Variants in RASIP1 observed in about 807,000 individuals in gnomAD.
The protein encoded by RASIP1 is Ras interacting protein 1.
Under a neutral mutation model 85.3 loss-of-function variants are expected in RASIP1, and 20 were observed. That is an observed-to-expected ratio of 0.23 (90% CI 0.17 to 0.34). The LOEUF is 0.34. RASIP1 is among the 10% of genes least tolerant of loss of function. The pLI is 1.00. For missense variants in RASIP1, 1,170 were observed against 1,390.9 expected (o/e 0.84, Z 2.53); for synonymous variants, 617 against 647.1 (o/e 0.95, Z 0.71).
intron 10 of RASIP1, among the ~76,000 whole-genome samples, chr19:48,722,811 G>A (rs1209921120): frequency 6.6e-6 from 1 of 152,106 alleles, no homozygotes; most frequent in Non-Finnish European, 1.5e-5. Flanking sequence ...TAATAGAGTT[G>A]GTATGAGGAT....
chr19:48,735,899 A>G (rs982625792), intron 3 of RASIP1, among the ~76,000 whole-genome samples: 11 of 151,502 alleles, frequency 7.3e-5, no homozygotes, highest in South Asian at 4.2e-4. Context: ...AGGTTCAAGC[A>G]ATTCTCCTGC....
intron 8 of RASIP1, 32 bp downstream of exon 8, chr19:48,726,753 T>C (rs2033349585): frequency 6.7e-7 from 1 of 1,501,198 alleles, no homozygotes; most frequent in South Asian, 1.2e-5. Flanking sequence ...AGTGATGCTA[T>C]GTCAAACAGG....
chr19:48,723,672 G>A (rs2033290999), intron 10 of RASIP1, among the ~76,000 whole-genome samples: 1 of 152,042 alleles, frequency 6.6e-6, no homozygotes. Context: ...GGCTTTGTCA[G>A]CATTAAACTA....
rs765162968 is a variant in RASIP1, at chr19:48,724,295, G to A, written c.2544+42C>T. On this transcript the variant is annotated intron_variant, in intron 10 of 11. Transcript: ENST00000222145. This position sits in a 1 kb window ranked among gnomAD's most constrained non-coding sequence, Gnocchi z 4.6. ...TAGAAGGTGGCTGAGGGGGGTTGAG[G>A]AGTCAGAGGTCAGGGGTCAGGTATA... is the stretch of plus-strand genomic sequence containing the variant. 6.3e-7 allele frequency: 1 copy of A among 1,586,140 alleles called. No homozygotes were observed. Among genetic ancestry groups the A allele is most frequent in the South Asian group, 1.1e-5 (1 of 88,554 alleles).
At chr19:48,730,510 T>C (rs1251778661) in intron 4 of RASIP1, among the ~76,000 whole-genome samples, 3 of 151,962 alleles carry the variant, frequency 2.0e-5, no homozygotes, top group Non-Finnish European at 2.9e-5. Context: ...CCCTCAAGCA[T>C]TAGATGCTTT....
At chr19:48,737,480 T>G in intron 3 of RASIP1, 1 of 985,408 alleles carries the variant, frequency 1.0e-6, no homozygotes, top group Non-Finnish European at 1.2e-6. Context: ...CCTTCGCCTC[T>G]ACAGTGATAT....
chr19:48,722,940 C>T (rs1285436239), intron 10 of RASIP1, among the ~76,000 whole-genome samples: 2 of 152,172 alleles, frequency 1.3e-5, no homozygotes, highest in Non-Finnish European at 2.9e-5. Context: ...TGCTGGAGTA[C>T]AGTGGCATGA....
rs1316979290 is a variant in RASIP1, at chr19:48,729,141, T to C, written c.1629A>G (p.Pro543=). The C allele has an allele frequency of 8.9e-6, 12 of 1,353,066 alleles. No individual in the cohort carries two copies. Among genetic ancestry groups the C allele is most frequent in the Non-Finnish European group, 9.5e-6 (10 of 1,053,890 alleles). The allele number at this position is 1,353,066 out of a possible 1,614,324, so 83.8% of individuals were successfully genotyped here. Residue 543 remains proline, a synonymous_variant, in exon 5 of 12, where the codon CCA becomes CCG. Transcript: ENST00000222145. ...CCTCGCGCGGCCGGAAGCGCAGGAC[T>C]GGCTCACGGCCGTCCAGGTAGGCGG... ...ALAAYLDGRE[P]VLRFRPREEE...
chr19:48,740,446 A>G lies in RASIP1; in HGVS notation c.-5+75T>C. On this transcript the variant is annotated intron_variant, in intron 1 of 11. Coordinates refer to ENST00000222145, the MANE Select transcript of RASIP1 (RefSeq NM_017805.3). This position sits in a 1 kb window ranked among gnomAD's most constrained non-coding sequence, Gnocchi z 5.5. ...GTACCCTGGATTCCTGGGTCCTGGGATGGAAGATGGCTGGGGGACTGAGTC... is the reference window on the plus strand; with the variant it reads ...GTACCCTGGATTCCTGGGTCCTGGGGTGGAAGATGGCTGGGGGACTGAGTC... 1 of 1,394,932 alleles carries G rather than the reference A, an allele frequency of 7.2e-7. No homozygotes were observed. Among genetic ancestry groups the G allele is most frequent in the Non-Finnish European group, 9.3e-7 (1 of 1,075,872 alleles). The allele number at this position is 1,394,932 out of a possible 1,614,324, so 86.4% of individuals were successfully genotyped here.
chr19:48,737,805 GC>G lies in RASIP1; in HGVS notation c.823+1154del, dbSNP rs199705953. Reference sequence around the variant, plus strand: ...CAGACCACGCTTTTCCACAAGCCCCGCCCCACCACAGGCCCCGCCCCACAAC... The same window carrying G: ...CAGACCACGCTTTTCCACAAGCCCCGCCCACCACAGGCCCCGCCCCACAAC... On this transcript the variant is annotated intron_variant, in intron 3 of 11. Coordinates refer to ENST00000222145, the MANE Select transcript of RASIP1 (RefSeq NM_017805.3). 2,540 of 981,564 alleles carry G rather than the reference GC, an allele frequency of 2.6e-3. 66 individuals carry two copies. The African/African-American group carries it at 0.043, about 17-fold the overall frequency. 60.8% of individuals were successfully genotyped at this position (981,564 alleles called of 1,614,324 possible).
At position 48,724,216 on chromosome 19, in the gene RASIP1, C is replaced by T. The variant is rs1418298980; in HGVS notation, c.2544+121G>A. 1.9e-6 allele frequency: 2 copies of T among 1,045,306 alleles called. No homozygotes were observed. Among genetic ancestry groups the T allele is most frequent in the Non-Finnish European group, 2.8e-6 (2 of 725,468 alleles). 64.8% of individuals were successfully genotyped at this position (1,045,306 alleles called of 1,614,324 possible). On this transcript the variant is annotated intron_variant, in intron 10 of 11. Coordinates refer to ENST00000222145, the MANE Select transcript of RASIP1 (RefSeq NM_017805.3). This position sits in a 1 kb window ranked among gnomAD's most constrained non-coding sequence, Gnocchi z 4.6. ...CAATGTGTTACCCACAGTGTCTGAG[C>T]TGGGGCTGGGGATGGCATGGGGTTC... is the stretch of plus-strand genomic sequence containing the variant.
Position 48,739,256 on chromosome 19 carries a change from A to G in RASIP1, c.527T>C (p.Val176Ala), listed in dbSNP as rs1262835390. ...GCCGTAGCGCTCTAGCGCCTCGGCC[A>G]CGAGCTCGCGCGCCGTGGAGCGCGC... is the stretch of plus-strand genomic sequence containing the variant. ...ATARSTARELVAEALERYGLA... is the reference protein window; with the variant it reads ...ATARSTARELAAEALERYGLA... Residue 176 changes from valine to alanine, a missense_variant, in exon 3 of 12, where the codon GTG becomes GCG. Val to Ala is a moderately conservative substitution (Grantham distance 64, BLOSUM62 0). Around this residue, in one of 4 missense-constraint regions of RASIP1, gnomAD observed 299 missense variants for 394.4 expected, o/e 0.76. Coordinates refer to ENST00000222145, the MANE Select transcript of RASIP1 (RefSeq NM_017805.3). This position sits in a 1 kb window ranked among gnomAD's most constrained non-coding sequence, Gnocchi z 9.2. The G allele has an allele frequency of 1.4e-6, 2 of 1,472,096 alleles. No individual in the cohort carries two copies. Among genetic ancestry groups the G allele is most frequent in the Non-Finnish European group, 1.8e-6 (2 of 1,119,494 alleles). The allele number at this position is 1,472,096 out of a possible 1,614,324, so 91.2% of individuals were successfully genotyped here.
chr19:48,739,579 C>A lies in RASIP1; in HGVS notation c.204G>T (p.Glu68Asp). The A allele has an allele frequency of 6.7e-7, 1 of 1,494,320 alleles. No homozygotes were observed. The highest frequency in any genetic ancestry group is 8.9e-7 in the Non-Finnish European group (1 of 1,125,338). The allele number at this position is 1,494,320 out of a possible 1,614,324, so 92.6% of individuals were successfully genotyped here. The change falls in exon 3 of 12, where the codon GAG (glutamate) becomes GAT (aspartate). Residue 68 changes from glutamate (E) to aspartate (D), a missense_variant. Transcript: ENST00000222145. The surrounding 1 kb of genome is among the most constrained non-coding windows in gnomAD (Gnocchi z 9.2). ...EPLPPPPPHVELRRVGAVKAA... is the reference protein window; with the variant it reads ...EPLPPPPPHVDLRRVGAVKAA... ...CCTTGACAGCGCCCACTCGCCGCAG[C>A]TCCACGTGCGGCGGGGGCGGAGGTA...
intron 4 of RASIP1, among the ~76,000 whole-genome samples, chr19:48,734,646 C>G (rs1055708517): frequency 1.3e-5 from 2 of 152,124 alleles, no homozygotes; most frequent in African/African-American, 4.8e-5. Context: ...CGCCACCACA[C>G]CCGGCTAATT....
chr19:48,735,426 G>C lies in RASIP1; in HGVS notation c.949C>G (p.Arg317Gly). 1 of 1,609,544 alleles carries C rather than the reference G, an allele frequency of 6.2e-7. No homozygotes were observed. The highest frequency in any genetic ancestry group is 8.5e-7 in the Non-Finnish European group (1 of 1,178,434). The change falls in exon 4 of 12, where the codon CGC becomes GGC. Residue 317 changes from arginine to glycine, a missense_variant. Arg to Gly is a moderately radical substitution (Grantham distance 125, BLOSUM62 -2). This residue lies in a region of RASIP1 where 301 missense variants were observed against 294.8 expected (regional missense o/e 1.02). Coordinates refer to ENST00000222145, the MANE Select transcript of RASIP1 (RefSeq NM_017805.3). ...CGCCGCAAAGACAAGTTTTCTGAGCGCTCCTTGCCTCCAGACCCAGCTGGG... is the reference window on the plus strand; with the variant it reads ...CGCCGCAAAGACAAGTTTTCTGAGCCCTCCTTGCCTCCAGACCCAGCTGGG... ...GAPAGSGGKE[R>G]SENLSLRRSV...
intron 3 of RASIP1, among the ~76,000 whole-genome samples, chr19:48,737,114 C>T (rs546044336): frequency 6.6e-6 from 1 of 152,222 alleles, no homozygotes; most frequent in South Asian, 2.1e-4. Flanking sequence ...GATACTTTGT[C>T]GAGGGGGTGG....
intron 3 of RASIP1, chr19:48,737,938 TG>T (rs2033603384): frequency 1.0e-6 from 1 of 984,198 alleles, no homozygotes; most frequent in Non-Finnish European, 1.2e-6. Context: ...GACAGTTTTT[TG>T]TTTGTTTGTT....
At chr19:48,727,611 C>T (rs1178825044) in intron 5 of RASIP1, among the ~76,000 whole-genome samples, 181 bp from the exon 6 acceptor site, 17 of 152,126 alleles carry the variant, frequency 1.1e-4, no homozygotes, top group African/African-American at 3.6e-4. Flanking sequence ...GATCCTCCCA[C>T]CTTGGCCTCC....
chr19:48,732,960 T>C (rs1293916157), intron 4 of RASIP1, among the ~76,000 whole-genome samples: 1 of 152,258 alleles, frequency 6.6e-6, no homozygotes. Flanking sequence ...TGTACTTGTT[T>C]AGCTTGGCTG....
Sources: allele counts gnomAD v4.1 joint callset (sites outside exome capture counted in the v4.1 genomes callset), GRCh38; gene constraint gnomAD v4.1.1; regional missense constraint gnomAD v4.1.1; non-coding constraint Gnocchi (gnomAD v3.1); transcripts MANE v1.5; gene names NCBI Gene and HGNC (gene_info 2026-07-23, HGNC 2026-07-21).